The following STARD9 variants were observed in gnomAD, a reference collection of about 807,000 sequenced individuals.
STARD9 encodes the protein StAR related lipid transfer domain containing 9, also known as stAR-related lipid transfer protein 9.
STARD9 carries 346 observed loss-of-function variants against 399.8 expected under a neutral mutation model. That is an observed-to-expected ratio of 0.87 (90% CI 0.79 to 0.95). STARD9 has a LOEUF of 0.95. Among genes scored for constraint, STARD9 ranks in the 40% least tolerant of loss-of-function variants. The pLI is 0.00. For synonymous variants in STARD9, 2,203 were observed against 2,143.5 expected, an observed-to-expected ratio of 1.03 and a Z score of -0.77; for missense variants, 5,832 against 5,667.5, an observed-to-expected ratio of 1.03 and a Z score of -0.93.
At chr15:42,667,462 C>T (rs1226551747) in intron 15 of STARD9, among the ~76,000 whole-genome samples, 4 of 151,498 alleles carry the variant, frequency 2.6e-5, no homozygotes, top group Non-Finnish European at 4.4e-5. Context: ...GGATTACAGG[C>T]GTGAGCCACC....
chr15:42,707,993 GAA>G (rs71307484), intron 26 of STARD9, among the ~76,000 whole-genome samples: 37 of 130,280 alleles, frequency 2.8e-4, no homozygotes, highest in African/African-American at 7.6e-4. Context: ...GGGCAACATA[GAA>G]AAAAAAAAAA....
chr15:42,677,754 CTG>C (rs2060340360), intron 20 of STARD9, among the ~76,000 whole-genome samples: 1 of 152,234 alleles, frequency 6.6e-6, no homozygotes, highest in Non-Finnish European at 1.5e-5. Context: ...ATACTGCTAT[CTG>C]TTTTCCAGGG....
chr15:42,619,925 A>G (rs1048787688), intron 3 of STARD9, among the ~76,000 whole-genome samples: 3 of 152,216 alleles, frequency 2.0e-5, no homozygotes, highest in African/African-American at 4.8e-5. Context: ...TTGGGGTTGA[A>G]TAAACGAGAG....
intron 3 of STARD9, among the ~76,000 whole-genome samples, chr15:42,630,961 T>C (rs2059321359): frequency 6.6e-6 from 1 of 151,924 alleles, no homozygotes; most frequent in Non-Finnish European, 1.5e-5. Flanking sequence ...TTGTGTTTGA[T>C]TCGCTCTTAC....
Position 42,640,818 on chromosome 15 carries a change from C to CAAAA in STARD9, c.559+2024_559+2027dup, listed in dbSNP as rs34006967. 2.7e-3 allele frequency among the ~76,000 whole-genome samples: 219 copies of CAAAA among 82,044 alleles called. 3 individuals carry two copies. Among genetic ancestry groups the CAAAA allele is most frequent in the Middle Eastern group, 9.3e-3 (1 of 108 alleles). The allele number at this position is 82,044 out of a possible 152,430, so 53.8% of individuals were successfully genotyped here. A position where few individuals can be genotyped will look rare whatever the true frequency, so the allele number is the denominator to read the frequency against. On this transcript the variant is annotated intron_variant, in intron 7 of 32. Coordinates refer to ENST00000290607, the MANE Select transcript of STARD9 (RefSeq NM_020759.3). ...CTGGCAACAGAGCAAGACTCCGTCT[C>CAAAA]AAAAAAAAAAAAAAAAAAAAAGTCT...
In STARD9 at chr15:42,688,979, G is replaced by C; in HGVS notation, c.7401G>C (p.Glu2467Asp). The change falls in exon 23 of 33, where the codon GAG (glutamate) becomes GAC (aspartate). Residue 2467 changes from glutamate to aspartate, a missense_variant. By Grantham distance (45) the Glu-to-Asp change is conservative. Around this residue, in one of 2 missense-constraint regions of STARD9, gnomAD observed 5,828 missense variants for 5,651.1 expected, o/e 1.03. Coordinates refer to ENST00000290607, the MANE Select transcript of STARD9 (RefSeq NM_020759.3). ...GTGAAGATTTTGCTTCTGAAGCCGA[G>C]GTGGCTGTACAAAAAGAAATAAGAG... ...STSEDFASEA[E>D]VAVQKEIRVS... 1 of 1,537,386 alleles carries C rather than the reference G, an allele frequency of 6.5e-7. No homozygotes were observed. Among genetic ancestry groups the C allele is most frequent in the Non-Finnish European group, 8.7e-7 (1 of 1,146,946 alleles).
chr15:42,578,182 C>T (rs1412706314), intron 1 of STARD9, among the ~76,000 whole-genome samples: 1 of 151,422 alleles, frequency 6.6e-6, no homozygotes, highest in East Asian at 1.9e-4. Flanking sequence ...GCGATCTCAG[C>T]TCACTGAAAC....
intron 3 of STARD9, among the ~76,000 whole-genome samples, chr15:42,622,365 C>T (rs1303339552): frequency 1.3e-5 from 2 of 152,192 alleles, no homozygotes; most frequent in East Asian, 1.9e-4. Flanking sequence ...CTCTCTCTCT[C>T]TCTGTCTCTC....
chr15:42,642,861 C>T (rs897227822), intron 7 of STARD9, among the ~76,000 whole-genome samples: 6 of 152,108 alleles, frequency 3.9e-5, no homozygotes, highest in Non-Finnish European at 8.8e-5. Context: ...TGCAGTGGCA[C>T]GATCGTGACT....
At chr15:42,697,879 A>T (rs557720612) in intron 26 of STARD9, among the ~76,000 whole-genome samples, 1 of 152,168 alleles carries the variant, frequency 6.6e-6, no homozygotes, top group Non-Finnish European at 1.5e-5. Context: ...TGTAAAAGGG[A>T]TACAGGGAAA....
At chr15:42,700,387 A>G (rs1447018161) in intron 26 of STARD9, among the ~76,000 whole-genome samples, 1 of 152,182 alleles carries the variant, frequency 6.6e-6, no homozygotes, top group African/African-American at 2.4e-5. Context: ...ATTAATTTAC[A>G]TTTCTACCAG....
chr15:42,621,525 A>G (rs2059093649), intron 3 of STARD9, among the ~76,000 whole-genome samples: 1 of 152,190 alleles, frequency 6.6e-6, no homozygotes, highest in Admixed American at 6.6e-5. Flanking sequence ...GTTGGATAAC[A>G]CTTTTGGACA....
chr15:42,619,168 T>C (rs1292245779), intron 3 of STARD9, among the ~76,000 whole-genome samples: 2 of 152,142 alleles, frequency 1.3e-5, no homozygotes, highest in Non-Finnish European at 2.9e-5. Context: ...ATGCATAGAT[T>C]CTTGTAATCA....
At chr15:42,661,935 C>A (rs750624051) in intron 10 of STARD9, among the ~76,000 whole-genome samples, 36 of 152,098 alleles carry the variant, frequency 2.4e-4, no homozygotes, top group Non-Finnish European at 5.0e-4. Flanking sequence ...CAACTTTTCT[C>A]TTTGATTTAA....
rs552048593 is a variant in STARD9, at chr15:42,693,101, C to T, written c.11523C>T (p.Phe3841=). 526 of 1,537,060 alleles carry T rather than the reference C, an allele frequency of 3.4e-4. 1 individual carries two copies. The South Asian group carries it at 5.8e-3, about 17-fold the overall frequency. ...TGAGCCCCTCAGTTTCTGATGCTTT[C>T]CTGCCTCCCAGCTCCCAGCCAGAGG... ...PSVSPSVSDA[F]LPPSSQPEES... Residue 3841 remains phenylalanine (F), a synonymous_variant, in exon 23 of 33, where the codon TTC becomes TTT. Transcript: ENST00000290607.
At position 42,665,318 on chromosome 15, in the gene STARD9, G is replaced by C; in HGVS notation, c.1242G>C (p.Leu414=). Residue 414 remains leucine (L), a synonymous_variant, in exon 14 of 33, where the codon CTG becomes CTC. Transcript: ENST00000290607. The part of the protein sequence containing the change: ...EEIERLKALL[L]SFELRNFSSL... ...TTGAAAGACTGAAAGCCCTGCTGCT[G>C]AGCTTTGAACTGGTATGCAGACAGT... 1 of 1,536,956 alleles carries C rather than the reference G, an allele frequency of 6.5e-7. No individual in the cohort carries two copies. Among genetic ancestry groups the C allele is most frequent in the African/African-American group, 1.4e-5 (1 of 73,144 alleles).
chr15:42,659,079 C>T (rs10400824), intron 9 of STARD9, among the ~76,000 whole-genome samples: 39,633 of 151,916 alleles, frequency 0.26, 5,917 homozygotes, highest in African/African-American at 0.4. Flanking sequence ...TGCCACTGCA[C>T]TTCAGCCTAG....
intron 3 of STARD9, among the ~76,000 whole-genome samples, chr15:42,607,415 C>CT (rs1344728403): frequency 3.3e-5 from 5 of 151,608 alleles, no homozygotes; most frequent in African/African-American, 1.2e-4. Context: ...GTTGGCCAGG[C>CT]TGGTCTCAAA....
At chr15:42,663,189 A>T (rs2060022717) in intron 11 of STARD9, 92 bp from the exon 12 acceptor site, 1 of 1,123,218 alleles carries the variant, frequency 8.9e-7, no homozygotes, top group Non-Finnish European at 1.3e-6. Flanking sequence ...GAAATATGAT[A>T]CTTAAGTCTG....
Sources: allele counts gnomAD v4.1 joint callset (sites outside exome capture counted in the v4.1 genomes callset), GRCh38; gene constraint gnomAD v4.1.1; regional missense constraint gnomAD v4.1.1; transcripts MANE v1.5; gene names NCBI Gene and HGNC (gene_info 2026-07-23, HGNC 2026-07-21).